The following NEGR1 variants were observed in gnomAD, a reference collection of about 807,000 sequenced individuals.
NEGR1 encodes the protein neuronal growth regulator 1.
NEGR1 carries 10 observed loss-of-function variants against 40.9 expected under a neutral mutation model. The observed-to-expected ratio is 0.24, with a 90% CI of 0.15 to 0.42. NEGR1 has a LOEUF of 0.42. Ranked by LOEUF, NEGR1 falls within the 10% of genes least tolerant of loss-of-function variation. The pLI, the probability that NEGR1 is intolerant of heterozygous loss-of-function variation, is 1.00. For missense variants in NEGR1, 352 were observed against 438.9 expected (o/e 0.80, Z 1.77); for synonymous variants, 185 against 166.8 (o/e 1.11, Z -0.84).
intron 2 of NEGR1, among the ~76,000 whole-genome samples, chr1:71,864,580 T>C (rs1206244933): frequency 6.6e-6 from 1 of 152,142 alleles, no homozygotes; most frequent in Admixed American, 6.6e-5. Flanking sequence ...ATATCCTTAA[T>C]TTATTGACAT....
chr1:71,686,672 T>C (rs889155832), intron 4 of NEGR1, among the ~76,000 whole-genome samples: 17 of 152,162 alleles, frequency 1.1e-4, no homozygotes, highest in Non-Finnish European at 1.9e-4. Flanking sequence ...AGGAAGAAGA[T>C]GAAAACAGTA....
At chr1:71,414,426 G>T (rs1002782266) in intron 6 of NEGR1, among the ~76,000 whole-genome samples, 1 of 152,086 alleles carries the variant, frequency 6.6e-6, no homozygotes, top group African/African-American at 2.4e-5. Flanking sequence ...TAGAGATTAG[G>T]AGAGAAAAAG....
chr1:72,259,273 G>A (rs1165374889), intron 1 of NEGR1, among the ~76,000 whole-genome samples: 1 of 152,120 alleles, frequency 6.6e-6, no homozygotes, highest in African/African-American at 2.4e-5. Flanking sequence ...CAGGCACTGT[G>A]CTAGGTGCCA....
At chr1:71,957,734 C>G (rs975999018) in intron 1 of NEGR1, among the ~76,000 whole-genome samples, 1 of 152,154 alleles carries the variant, frequency 6.6e-6, no homozygotes, top group African/African-American at 2.4e-5. Flanking sequence ...TCCTGAAATT[C>G]TAGTGATTAC....
intron 6 of NEGR1, chr1:71,486,258 G>A (rs2101378461): frequency 6.6e-6 from 1 of 151,656 alleles, no homozygotes; most frequent in Non-Finnish European, 1.5e-5. Context: ...CTGGTGAGAT[G>A]TTTGTTAAAT....
At chr1:72,217,268 T>A (rs753394256) in intron 1 of NEGR1, among the ~76,000 whole-genome samples, 35 of 151,816 alleles carry the variant, frequency 2.3e-4, no homozygotes, top group Non-Finnish European at 5.0e-4. Flanking sequence ...ATGTTTCAAT[T>A]ATGAAAATAA....
chr1:71,557,443 C>T (rs561871198), intron 6 of NEGR1, among the ~76,000 whole-genome samples: 1 of 151,732 alleles, frequency 6.6e-6, no homozygotes, highest in East Asian at 2.0e-4. Context: ...CAATGAACGT[C>T]ATGCACTTGG....
intron 6 of NEGR1, among the ~76,000 whole-genome samples, chr1:71,559,942 C>G (rs1420914075): frequency 1.3e-5 from 2 of 151,358 alleles, no homozygotes; most frequent in African/African-American, 4.8e-5. Flanking sequence ...TTACTTTCTC[C>G]TAGTCTCCCT....
rs567778602 is a variant in NEGR1, at chr1:71,843,521, G to C, written c.410-67224C>G. ...TAAGCAAGGGGTTGTCAAAGGCCAG[G>C]TCTGTATCCTCTATCTGTTCCTAGT... On this transcript the variant is annotated intron_variant, in intron 2 of 6. Coordinates refer to ENST00000357731, the MANE Select transcript of NEGR1 (RefSeq NM_173808.3). Among the ~76,000 whole-genome samples, 3 of 152,222 alleles carry C rather than the reference G, an allele frequency of 2.0e-5. No homozygotes were observed. The South Asian group carries it at 6.2e-4, about 32-fold the overall frequency.
chr1:71,703,531 C>G (rs951937957), intron 3 of NEGR1: 1 of 143,220 alleles, frequency 7.0e-6, no homozygotes, highest in Non-Finnish European at 1.5e-5. Flanking sequence ...AAATTAAATA[C>G]AGTTGGCTAT....
At chr1:71,483,192 T>G (rs1216310312) in intron 6 of NEGR1, among the ~76,000 whole-genome samples, 1 of 150,638 alleles carries the variant, frequency 6.6e-6, no homozygotes, top group Non-Finnish European at 1.5e-5. Context: ...TTTCTAGGAA[T>G]AGCACAAAGC....
At chr1:71,761,127 T>A (rs531512698) in intron 3 of NEGR1, among the ~76,000 whole-genome samples, 13 of 152,288 alleles carry the variant, frequency 8.5e-5, no homozygotes. Context: ...ATATCTCAGC[T>A]GGGAAACAAA....
intron 2 of NEGR1, among the ~76,000 whole-genome samples, chr1:71,838,255 A>C (rs1394685498): frequency 1.3e-5 from 2 of 152,186 alleles, no homozygotes; most frequent in East Asian, 3.9e-4. Context: ...GCCAAAGGCA[A>C]ACTGGCACTG....
chr1:71,502,182 G>A (rs1258884367), intron 6 of NEGR1, among the ~76,000 whole-genome samples: 1 of 152,104 alleles, frequency 6.6e-6, no homozygotes, highest in Non-Finnish European at 1.5e-5. Context: ...GTCACGAAAA[G>A]GGAACAGAAT....
intron 6 of NEGR1, among the ~76,000 whole-genome samples, chr1:71,479,094 T>G (rs1197358955): frequency 6.6e-6 from 1 of 152,034 alleles, no homozygotes; most frequent in Non-Finnish European, 1.5e-5. Context: ...AATAAAATGT[T>G]TTTTTCCATA....
intron 4 of NEGR1, among the ~76,000 whole-genome samples, chr1:71,636,443 A>G (rs956946493): frequency 4.6e-5 from 7 of 152,102 alleles, no homozygotes; most frequent in Admixed American, 3.3e-4. Flanking sequence ...TTAAAGGTAA[A>G]TTAAATTCTA....
intron 1 of NEGR1, among the ~76,000 whole-genome samples, chr1:72,138,766 A>G (rs980200412): frequency 6.6e-6 from 1 of 152,058 alleles, no homozygotes; most frequent in African/African-American, 2.4e-5. Context: ...AAAATTCACA[A>G]TTATAGTTGG....
At chr1:71,975,094 G>A (rs1646290185) in intron 1 of NEGR1, among the ~76,000 whole-genome samples, 1 of 152,112 alleles carries the variant, frequency 6.6e-6, no homozygotes, top group Non-Finnish European at 1.5e-5. Flanking sequence ...GTTTTTGCAT[G>A]TTGAATCACT....
intron 2 of NEGR1, among the ~76,000 whole-genome samples, chr1:71,899,617 C>A (rs899306541): frequency 3.3e-5 from 5 of 152,112 alleles, no homozygotes; most frequent in Admixed American, 2.6e-4. Context: ...TGAAATTAAA[C>A]CCTATATTTA....
Sources: gnomAD v4.1 joint callset for allele counts (sites outside exome capture counted in the v4.1 genomes callset) on GRCh38, gnomAD v4.1.1 for gene constraint, MANE v1.5 for transcripts, NCBI Gene and HGNC (gene_info 2026-07-23, HGNC 2026-07-21) for gene names.